ADCY2: variants seen among roughly 807,000 people sequenced by gnomAD.
ADCY2 encodes adenylate cyclase 2.
In ADCY2, 31 loss-of-function variants were observed where a neutral mutation model predicts 125.2. The ratio of observed to expected loss-of-function variants is 0.25; its 90% CI spans 0.19 to 0.33. The LOEUF (loss-of-function observed/expected upper bound fraction) is 0.33. Ranked by LOEUF, ADCY2 falls within the 10% of genes least tolerant of loss-of-function variation. ADCY2 has a pLI of 1.00. For synonymous variants in ADCY2, 512 were observed against 548.4 expected (o/e 0.93, Z 0.93); for missense variants, 904 against 1,418.2 (o/e 0.64, Z 5.82).
chr5:7,406,813 G>A (rs929277218), intron 1 of ADCY2, among the ~76,000 whole-genome samples: 3 of 152,032 alleles, frequency 2.0e-5, no homozygotes, highest in Non-Finnish European at 2.9e-5. Flanking sequence ...ATTCAACCTC[G>A]TAATGTCAAT....
intron 4 of ADCY2, among the ~76,000 whole-genome samples, chr5:7,686,057 A>G (rs886281962): frequency 2.0e-5 from 3 of 152,232 alleles, no homozygotes; most frequent in South Asian, 2.1e-4. Context: ...AAAGATTCAT[A>G]TGAAAGGAGT....
intron 3 of ADCY2, among the ~76,000 whole-genome samples, chr5:7,618,940 T>A (rs548750083): frequency 1.2e-4 from 19 of 152,276 alleles, no homozygotes; most frequent in Admixed American, 1.1e-3. Flanking sequence ...AAATGTGTCC[T>A]CCTGTTGTGT....
chr5:7,826,660 A>T, intron 24 of ADCY2, 59 bp from the exon 25 acceptor site: 5 of 1,611,166 alleles, frequency 3.1e-6, no homozygotes, highest in Admixed American at 1.7e-5. Context: ...TCCTTGAGTC[A>T]GATGGGTTGT....
chr5:7,653,351 A>T (rs1739164154), intron 4 of ADCY2, among the ~76,000 whole-genome samples: 1 of 152,232 alleles, frequency 6.6e-6, no homozygotes, highest in African/African-American at 2.4e-5. Flanking sequence ...AGTCATGATG[A>T]TAATCATCCC....
chr5:7,799,093 T>C (rs1057132982), intron 20 of ADCY2: 1 of 152,252 alleles, frequency 6.6e-6, no homozygotes, highest in Middle Eastern at 3.2e-3. Context: ...TACATGTGAA[T>C]GAATGTTGAG....
At position 7,405,640 on chromosome 5, in the gene ADCY2, G is replaced by A. The variant is rs548604630; in HGVS notation, c.211-8933G>A. Among the ~76,000 whole-genome samples the A allele has an allele frequency of 3.9e-5, 6 of 152,268 alleles. No individual in the cohort carries two copies. The East Asian group carries it at 9.7e-4, about 24-fold the overall frequency. ...AGTCTTTGTTCAAGTTATTGCTTGT[G>A]CCATGCACCTGCCATTAGATTGGCC... On this transcript the variant is annotated intron_variant, in intron 1 of 24. Coordinates refer to ENST00000338316, the MANE Select transcript of ADCY2 (RefSeq NM_020546.3).
At chr5:7,524,264 G>T (rs1734368202) in intron 3 of ADCY2, among the ~76,000 whole-genome samples, 1 of 152,154 alleles carries the variant, frequency 6.6e-6, no homozygotes, top group South Asian at 2.1e-4. Context: ...CCAATAAGTT[G>T]CAAATAGAGT....
chr5:7,429,156 T>C (rs1740498830), intron 2 of ADCY2, among the ~76,000 whole-genome samples: 1 of 152,082 alleles, frequency 6.6e-6, no homozygotes, highest in Admixed American at 6.5e-5. Context: ...GGTGAAATAA[T>C]TTCTGGTACT....
intron 2 of ADCY2, among the ~76,000 whole-genome samples, chr5:7,475,529 G>A (rs373647083): frequency 1.3e-5 from 2 of 152,054 alleles, no homozygotes; most frequent in Non-Finnish European, 1.5e-5. Context: ...TTACAGGCAC[G>A]CGCCAACACG....
intron 3 of ADCY2, among the ~76,000 whole-genome samples, chr5:7,575,940 C>CCT (rs938551605): frequency 6.6e-6 from 1 of 151,938 alleles, no homozygotes; most frequent in Admixed American, 6.6e-5. Flanking sequence ...TCTGTGAATG[C>CCT]GTGTGTGTGT....
At chr5:7,491,827 A>G (rs975599643) in intron 2 of ADCY2, among the ~76,000 whole-genome samples, 7 of 152,196 alleles carry the variant, frequency 4.6e-5, no homozygotes, top group East Asian at 1.9e-4. Context: ...TGTGTTTTTT[A>G]TAAGCACAAA....
chr5:7,752,243 A>G (rs1324561109), intron 15 of ADCY2, among the ~76,000 whole-genome samples: 1 of 152,260 alleles, frequency 6.6e-6, no homozygotes, highest in African/African-American at 2.4e-5. Context: ...TCTTTGTGAC[A>G]TTAAATGTTA....
chr5:7,820,451 G>A (rs543718041), intron 23 of ADCY2, 114 bp from the exon 24 acceptor site: 56 of 1,338,050 alleles, frequency 4.2e-5, no homozygotes, highest in East Asian at 2.2e-4. Flanking sequence ...CCAAGATTGC[G>A]CCACTGCACT....
At chr5:7,537,942 CA>C (rs1306309732) in intron 3 of ADCY2, among the ~76,000 whole-genome samples, 1 of 152,136 alleles carries the variant, frequency 6.6e-6, no homozygotes, top group Non-Finnish European at 1.5e-5. Context: ...GTCACCTGGC[CA>C]GTGCCTAGGT....
chr5:7,644,362 G>T (rs763025086), intron 4 of ADCY2, among the ~76,000 whole-genome samples: 1 of 152,068 alleles, frequency 6.6e-6, no homozygotes, highest in South Asian at 2.1e-4. Context: ...CCTGGTACCA[G>T]TTCAGTTCTC....
At chr5:7,582,963 TA>T (rs1736485798) in intron 3 of ADCY2, among the ~76,000 whole-genome samples, 1 of 152,108 alleles carries the variant, frequency 6.6e-6, no homozygotes, top group Non-Finnish European at 1.5e-5. Flanking sequence ...AGAATTTGAT[TA>T]AGCAACTAGT....
intron 2 of ADCY2, among the ~76,000 whole-genome samples, chr5:7,509,910 A>G (rs1198178480): frequency 1.3e-5 from 2 of 152,332 alleles, no homozygotes; most frequent in East Asian, 1.9e-4. Context: ...TTTCACTGTA[A>G]GAAAGATGGC....
intron 2 of ADCY2, among the ~76,000 whole-genome samples, chr5:7,508,888 C>G (rs1409012791): frequency 6.6e-6 from 1 of 152,172 alleles, no homozygotes; most frequent in Non-Finnish European, 1.5e-5. Context: ...CACAGGAGTA[C>G]TATGTGGGAA....
intron 3 of ADCY2, among the ~76,000 whole-genome samples, chr5:7,546,592 G>A (rs969964872): frequency 4.6e-5 from 7 of 152,156 alleles, no homozygotes; most frequent in South Asian, 2.1e-4. Flanking sequence ...TCCAAGTCTG[G>A]GTCATTCCAG....
Sources: gnomAD v4.1 joint callset for allele counts (sites outside exome capture counted in the v4.1 genomes callset) on GRCh38, gnomAD v4.1.1 for gene constraint, MANE v1.5 for transcripts, NCBI Gene and HGNC (gene_info 2026-07-23, HGNC 2026-07-21) for gene names.